Variants in ST6GALNAC3 observed in about 807,000 individuals in gnomAD.
The protein encoded by ST6GALNAC3 is alpha-N-acetylgalactosaminide alpha-2,6-sialyltransferase 3.
Under a neutral mutation model 32.7 loss-of-function variants are expected in ST6GALNAC3, and 25 were observed. That is an observed-to-expected ratio of 0.76 (90% CI 0.56 to 1.07). The LOEUF (loss-of-function observed/expected upper bound fraction) is 1.07. ST6GALNAC3 is among the 50% of genes least tolerant of loss of function. The pLI, the probability that ST6GALNAC3 is intolerant of heterozygous loss-of-function variation, is 0.00. For synonymous variants in ST6GALNAC3, 129 were observed against 133.1 expected, an observed-to-expected ratio of 0.97 and a Z score of 0.21; for missense variants, 355 against 382.4, an observed-to-expected ratio of 0.93 and a Z score of 0.60.
intron 4 of ST6GALNAC3, 113 bp from the exon 5 acceptor site, chr1:76,628,507 A>T: frequency 1.0e-6 from 1 of 993,924 alleles, no homozygotes. Context: ...GACAAGAATC[A>T]TGTATGGGTT....
intron 2 of ST6GALNAC3, among the ~76,000 whole-genome samples, chr1:76,402,940 C>A (rs1313796157): frequency 6.6e-6 from 1 of 152,002 alleles, no homozygotes; most frequent in Non-Finnish European, 1.5e-5. Context: ...TATTCTCACT[C>A]CATCAGTGGT....
At chr1:76,183,964 T>G (rs12089419) in intron 1 of ST6GALNAC3, among the ~76,000 whole-genome samples, 29,058 of 150,168 alleles carry the variant, frequency 0.19, 2,929 homozygotes, top group African/African-American at 0.21. Context: ...CCCCACTTCT[T>G]CAGTCATGTG....
rs1444862261 is a variant in ST6GALNAC3, at chr1:76,114,043, A to G, written c.18+39159A>G. Among the ~76,000 whole-genome samples the G allele has an allele frequency of 2.2e-5, 3 of 137,318 alleles. No individual in the cohort carries two copies. The South Asian group carries it at 6.7e-4, about 31-fold the overall frequency. 90.1% of individuals were successfully genotyped at this position (137,318 alleles called of 152,430 possible). A position where few individuals can be genotyped will look rare whatever the true frequency, so the allele number is the denominator to read the frequency against. On this transcript the variant is annotated intron_variant, in intron 1 of 4. Coordinates refer to ENST00000328299, the MANE Select transcript of ST6GALNAC3 (RefSeq NM_152996.4). Reference sequence around the variant, plus strand: ...TTTTTAGTAGAGACGGAGTCTCGCCATGTTGGCCAGGCTGGTCTTGAACTG... The same window carrying G: ...TTTTTAGTAGAGACGGAGTCTCGCCGTGTTGGCCAGGCTGGTCTTGAACTG...
chr1:76,386,387 G>A (rs968581486), intron 2 of ST6GALNAC3, among the ~76,000 whole-genome samples: 1 of 151,988 alleles, frequency 6.6e-6, no homozygotes, highest in Non-Finnish European at 1.5e-5. Context: ...TGAAAAATGT[G>A]CCTGGTACAT....
chr1:76,303,063 A>T (rs1021087096), intron 1 of ST6GALNAC3, among the ~76,000 whole-genome samples: 13 of 101,898 alleles, frequency 1.3e-4, no homozygotes, highest in African/African-American at 3.5e-4. Context: ...GGTTGCAGAA[A>T]GCAACCAATC....
intron 3 of ST6GALNAC3, among the ~76,000 whole-genome samples, chr1:76,572,728 T>TACAAATTAGCTGAGTTCTC (rs1646724952): frequency 6.6e-6 from 1 of 152,154 alleles, no homozygotes; most frequent in African/African-American, 2.4e-5. Context: ...CACCTGTTCT[T>TACAAATTAGCTGAGTTCTC]ACAAATTAGC....
At chr1:76,615,723 T>G (rs1347269022) in intron 3 of ST6GALNAC3, among the ~76,000 whole-genome samples, 2 of 152,214 alleles carry the variant, frequency 1.3e-5, no homozygotes, top group Non-Finnish European at 2.9e-5. Context: ...TTTTCTAAGT[T>G]CTACTGTTTA....
At chr1:76,637,045 C>T (rs1212297518), downstream of ST6GALNAC3, 1 of 152,134 alleles carries the variant, frequency 6.6e-6, no homozygotes. Context: ...TGGTGGCTCT[C>T]ACTATCCATA....
At chr1:76,584,710 G>T (rs1040910328) in intron 3 of ST6GALNAC3, among the ~76,000 whole-genome samples, 1 of 152,164 alleles carries the variant, frequency 6.6e-6, no homozygotes, top group African/African-American at 2.4e-5. Context: ...ATGGAAACTG[G>T]CATGAGTCAT....
intron 3 of ST6GALNAC3, among the ~76,000 whole-genome samples, chr1:76,452,376 A>C (rs1657472171): frequency 6.6e-6 from 1 of 152,210 alleles, no homozygotes; most frequent in South Asian, 2.1e-4. Context: ...TAAATTACCC[A>C]GTCTCAGGTA....
At chr1:76,190,137 T>C (rs948513625) in intron 1 of ST6GALNAC3, among the ~76,000 whole-genome samples, 1 of 152,200 alleles carries the variant, frequency 6.6e-6, no homozygotes, top group Non-Finnish European at 1.5e-5. Flanking sequence ...ACTCATGACA[T>C]TTCACCTGTA....
In ST6GALNAC3 at chr1:76,173,765, G is replaced by T. The variant is rs529174325; in HGVS notation, c.18+98881G>T. On this transcript the variant is annotated intron_variant, in intron 1 of 4. Coordinates refer to ENST00000328299, the MANE Select transcript of ST6GALNAC3 (RefSeq NM_152996.4). ...CAACATCACTGATCATTAGAGAAAT[G>T]CAAATCAAAACCACAATGAGATACC... Among the ~76,000 whole-genome samples the T allele has an allele frequency of 2.6e-5, 4 of 152,274 alleles. No individual in the cohort carries two copies. The South Asian group carries it at 6.2e-4, about 24-fold the overall frequency.
chr1:76,418,564 C>G (rs1654805955), intron 3 of ST6GALNAC3, among the ~76,000 whole-genome samples: 2 of 152,004 alleles, frequency 1.3e-5, no homozygotes, highest in South Asian at 2.1e-4. Flanking sequence ...AAACTTCGAC[C>G]AAGAGATAAT....
rs532467798 is a variant in ST6GALNAC3 at position 76,302,807 on chromosome 1, T to G, written c.19-10998T>G. Among the ~76,000 whole-genome samples the G allele has an allele frequency of 2.4e-4, 37 of 152,076 alleles. 1 individual carries two copies. Among genetic ancestry groups the G allele is most frequent in the Admixed American group, 2.3e-3 (35 of 15,256 alleles). On this transcript the variant is annotated intron_variant, in intron 1 of 4. Transcript: ENST00000328299. Reference sequence around the variant, plus strand: ...GAGGGTGTCCAGGTTCTGGGCGTTTTGAACAAAGAATTGCACAAAACACAC... The same window carrying G: ...GAGGGTGTCCAGGTTCTGGGCGTTTGGAACAAAGAATTGCACAAAACACAC...
At chr1:76,300,002 A>G (rs1237116634) in intron 1 of ST6GALNAC3, among the ~76,000 whole-genome samples, 4 of 152,056 alleles carry the variant, frequency 2.6e-5, no homozygotes, top group Non-Finnish European at 5.9e-5. Flanking sequence ...GCTTAGTGGA[A>G]GATGTTTGAC....
chr1:76,589,617 T>C (rs759179448), intron 3 of ST6GALNAC3, among the ~76,000 whole-genome samples: 20 of 151,948 alleles, frequency 1.3e-4, no homozygotes, highest in Non-Finnish European at 2.8e-4. Context: ...TGATGCAACA[T>C]GTCAGGTGGG....
intron 3 of ST6GALNAC3, among the ~76,000 whole-genome samples, chr1:76,446,402 G>A (rs1185942772): frequency 6.6e-6 from 1 of 152,052 alleles, no homozygotes; most frequent in Non-Finnish European, 1.5e-5. Flanking sequence ...TTAAGGATCT[G>A]GACAAATGTG....
intron 1 of ST6GALNAC3, among the ~76,000 whole-genome samples, chr1:76,117,090 C>T (rs1032610911): frequency 6.6e-6 from 1 of 152,146 alleles, no homozygotes; most frequent in African/African-American, 2.4e-5. Context: ...TTTTCTGTCC[C>T]CACTTTCTGT....
chr1:76,559,380 T>G (rs2100419045), intron 3 of ST6GALNAC3, among the ~76,000 whole-genome samples: 1 of 152,174 alleles, frequency 6.6e-6, no homozygotes, highest in East Asian at 1.9e-4. Flanking sequence ...ATTAACAAAG[T>G]AAATTATAGA....
Sources: gnomAD v4.1 joint callset for allele counts (sites outside exome capture counted in the v4.1 genomes callset) on GRCh38, gnomAD v4.1.1 for gene constraint, MANE v1.5 for transcripts, NCBI Gene and HGNC (gene_info 2026-07-23, HGNC 2026-07-21) for gene names.